The following NXPH2 variants were observed in gnomAD, a reference collection of about 807,000 sequenced individuals.
NXPH2 encodes the protein neurexophilin-2.
NXPH2 carries 5 observed loss-of-function variants against 19.8 expected under a neutral mutation model. That is an observed-to-expected ratio of 0.25 (90% CI 0.13 to 0.53). The LOEUF is 0.53. Ranked by LOEUF, NXPH2 falls within the 20% of genes least tolerant of loss-of-function variation. The pLI is 0.96. For synonymous variants in NXPH2, 154 were observed against 127.4 expected (o/e 1.21, Z -1.41); for missense variants, 289 against 322.8 (o/e 0.90, Z 0.80).
At chr2:138,729,349 C>G (rs1289014951) in intron 1 of NXPH2, among the ~76,000 whole-genome samples, 1 of 152,160 alleles carries the variant, frequency 6.6e-6, no homozygotes, top group Non-Finnish European at 1.5e-5. Context: ...TCTCATTCTT[C>G]TCTCTCCTGC....
At chr2:138,738,023 C>T (rs1410330587) in intron 1 of NXPH2, among the ~76,000 whole-genome samples, 5 of 151,292 alleles carry the variant, frequency 3.3e-5, no homozygotes, top group East Asian at 3.9e-4. Flanking sequence ...CCCATTAACT[C>T]GTCATTTAAC....
At chr2:138,694,070 G>T (rs927299793) in intron 1 of NXPH2, among the ~76,000 whole-genome samples, 2 of 152,084 alleles carry the variant, frequency 1.3e-5, no homozygotes, top group African/African-American at 4.8e-5. Flanking sequence ...ATAATTATAT[G>T]ATCGAAGACT....
chr2:138,706,232 A>G (rs13414931), intron 1 of NXPH2, among the ~76,000 whole-genome samples: 26,634 of 152,228 alleles, frequency 0.17, 4,947 homozygotes, highest in African/African-American at 0.47. Context: ...AGAGGCAGGT[A>G]TTATTCTACT....
chr2:138,743,237 C>A (rs1220518779), intron 1 of NXPH2, among the ~76,000 whole-genome samples: 1 of 149,092 alleles, frequency 6.7e-6, no homozygotes, highest in African/African-American at 2.4e-5. Context: ...GTCACAGTCA[C>A]CCGGGTGGGA....
intron 1 of NXPH2, among the ~76,000 whole-genome samples, chr2:138,688,772 C>T (rs1047268174): frequency 7.9e-5 from 12 of 152,154 alleles, no homozygotes; most frequent in Non-Finnish European, 2.9e-5. Context: ...CAGTTCATGG[C>T]AGCATTTCAT....
intron 1 of NXPH2, among the ~76,000 whole-genome samples, chr2:138,720,511 C>T (rs34561430): frequency 0.24 from 36,276 of 152,162 alleles, 5,092 homozygotes; most frequent in East Asian, 0.53. Flanking sequence ...GGTGTGAAGA[C>T]GTAATTGACA....
At chr2:138,776,631 T>C (rs1682267914) in intron 1 of NXPH2, among the ~76,000 whole-genome samples, 1 of 151,508 alleles carries the variant, frequency 6.6e-6, no homozygotes, top group Non-Finnish European at 1.5e-5. Context: ...TTTTTTTTTT[T>C]CCTTCACATT....
chr2:138,713,973 C>CAA lies in NXPH2; in HGVS notation c.52-42310_52-42309dup, dbSNP rs202017615. On this transcript the variant is annotated intron_variant, in intron 1 of 1. Transcript: ENST00000272641. ...GTAAACAAAGAAACAAACAAAAAAG[C>CAA]AAAAAAAAAAAAATTTCACTACAAC... Among the ~76,000 whole-genome samples, 795 of 142,528 alleles carry CAA rather than the reference C, an allele frequency of 5.6e-3. 10 individuals carry two copies. The highest frequency in any genetic ancestry group is 0.054 in the South Asian group (248 of 4,608). 93.5% of individuals were successfully genotyped at this position (142,528 alleles called of 152,430 possible).
rs111537278 is a variant in NXPH2 at position 138,771,572 on chromosome 2, A to G, written c.51+8619T>C. On this transcript the variant is annotated intron_variant, in intron 1 of 1. Coordinates refer to ENST00000272641, the MANE Select transcript of NXPH2 (RefSeq NM_007226.3). The stretch of plus-strand genomic sequence containing the variant: ...AGGGCTATTGATTTAAAACAGAAGC[A>G]CTTCCGGGGAAGCCTTGCTAAGGGA... 9.1e-4 allele frequency among the ~76,000 whole-genome samples: 139 copies of G among 152,280 alleles called. 2 individuals carry two copies. The highest frequency in any genetic ancestry group is 3.2e-3 in the African/African-American group (135 of 41,548).
intron 1 of NXPH2, among the ~76,000 whole-genome samples, chr2:138,770,722 C>T (rs1439108200): frequency 6.6e-6 from 1 of 151,884 alleles, no homozygotes; most frequent in Non-Finnish European, 1.5e-5. Flanking sequence ...AAAAGATATC[C>T]ATAACAACCT....
chr2:138,711,369 G>GACCTCAAGCAATCCACCC (rs1553482762), intron 1 of NXPH2, among the ~76,000 whole-genome samples: 1 of 151,764 alleles, frequency 6.6e-6, no homozygotes, highest in Non-Finnish European at 1.5e-5. Flanking sequence ...TTGATCTCCT[G>GACCTCAAGCAATCCACCC]ACCTCAAGCA....
At chr2:138,776,982 T>C (rs1360288895) in intron 1 of NXPH2, among the ~76,000 whole-genome samples, 1 of 152,064 alleles carries the variant, frequency 6.6e-6, no homozygotes, top group Non-Finnish European at 1.5e-5. Flanking sequence ...AAACTCAGCA[T>C]TGTATCACAG....
At chr2:138,741,394 C>A (rs2105006278) in intron 1 of NXPH2, among the ~76,000 whole-genome samples, 1 of 152,300 alleles carries the variant, frequency 6.6e-6, no homozygotes, top group East Asian at 1.9e-4. Flanking sequence ...TTCTTGAGAG[C>A]TCCTGTGGCT....
intron 1 of NXPH2, among the ~76,000 whole-genome samples, chr2:138,748,330 G>A (rs1053793027): frequency 1.3e-5 from 2 of 152,182 alleles, no homozygotes; most frequent in Non-Finnish European, 2.9e-5. Flanking sequence ...GAGAATGAAA[G>A]CTCATTAGGT....
intron 1 of NXPH2, among the ~76,000 whole-genome samples, chr2:138,721,838 T>TA (rs1483056321): frequency 2.0e-5 from 3 of 152,186 alleles, no homozygotes; most frequent in African/African-American, 7.2e-5. Flanking sequence ...ATAATGCCTG[T>TA]AAGTTTGCAG....
chr2:138,759,753 G>T (rs1364634107), intron 1 of NXPH2, among the ~76,000 whole-genome samples: 1 of 135,582 alleles, frequency 7.4e-6, no homozygotes, highest in Non-Finnish European at 1.5e-5. Flanking sequence ...TTTTTGAGAC[G>T]GAGTCTTGCT....
chr2:138,681,112 T>A lies in NXPH2; in HGVS notation c.52-9447A>T, dbSNP rs1040055336. On this transcript the variant is annotated intron_variant, in intron 1 of 1. Coordinates refer to ENST00000272641, the MANE Select transcript of NXPH2 (RefSeq NM_007226.3). ...TCTTGGGTTCTGAGACAGTTAACCC[T>A]TTGTCATGATTATGCTATAGCCCTC... Among the ~76,000 whole-genome samples, 6 of 152,212 alleles carry A rather than the reference T, an allele frequency of 3.9e-5. 1 individual carries two copies. Among genetic ancestry groups the A allele is most frequent in the Admixed American group, 3.9e-4 (6 of 15,278 alleles).
intron 1 of NXPH2, among the ~76,000 whole-genome samples, chr2:138,721,480 T>C (rs1327478151): frequency 1.3e-5 from 2 of 152,030 alleles, no homozygotes; most frequent in Non-Finnish European, 2.9e-5. Context: ...TTTTTTTTAA[T>C]GGAGCAAAAT....
At chr2:138,740,463 T>A (rs567898032) in intron 1 of NXPH2, among the ~76,000 whole-genome samples, 1 of 152,330 alleles carries the variant, frequency 6.6e-6, no homozygotes, top group East Asian at 1.9e-4. Context: ...GGTGAGGGGT[T>A]CTAGTCACCC....
Sources: gnomAD v4.1 joint callset for allele counts (sites outside exome capture counted in the v4.1 genomes callset) on GRCh38, gnomAD v4.1.1 for gene constraint, MANE v1.5 for transcripts, NCBI Gene and HGNC (gene_info 2026-07-23, HGNC 2026-07-21) for gene names.